Variants in DEK observed in about 807,000 individuals in gnomAD.
DEK encodes the protein protein DEK.
Under a neutral mutation model 46.8 loss-of-function variants are expected in DEK, and 28 were observed. That is an observed-to-expected ratio of 0.60 (90% CI 0.44 to 0.82). DEK has a LOEUF of 0.82. Ranked by LOEUF, DEK falls within the 40% of genes least tolerant of loss-of-function variation. DEK has a pLI of 0.00. For missense variants in DEK, 416 were observed against 430.6 expected, an observed-to-expected ratio of 0.97 and a Z score of 0.30; for synonymous variants, 160 against 144.5, an observed-to-expected ratio of 1.11 and a Z score of -0.77.
intron 7 of DEK, among the ~76,000 whole-genome samples, chr6:18,244,231 G>A (rs558933699): frequency 5.3e-5 from 8 of 152,126 alleles, no homozygotes; most frequent in Non-Finnish European, 1.0e-4. Context: ...TTAAAGATTC[G>A]AGTTTGCTAC....
rs112461792 is a variant in DEK at position 18,253,139 on chromosome 6, G to A, written c.573+2592C>T. Among the ~76,000 whole-genome samples the A allele has an allele frequency of 2.5e-3, 376 of 147,730 alleles. 1 individual carries two copies. The highest frequency in any genetic ancestry group is 8.7e-3 in the African/African-American group (349 of 39,890). On this transcript the variant is annotated intron_variant, in intron 6 of 10. Coordinates refer to ENST00000652689, the MANE Select transcript of DEK (RefSeq NM_003472.4). ...TTTTTTGAGACAGTCTCGCTCTGTCGCCCAGGCTGGAGTGCAGCAGCACGA... is the reference window on the plus strand; with the variant it reads ...TTTTTTGAGACAGTCTCGCTCTGTCACCCAGGCTGGAGTGCAGCAGCACGA...
chr6:18,225,239 A>C lies in DEK; in HGVS notation c.*480T>G. 2 of 229,718 alleles carry C rather than the reference A, an allele frequency of 8.7e-6. No homozygotes were observed. Among genetic ancestry groups the C allele is most frequent in the Non-Finnish European group, 1.7e-5 (2 of 115,892 alleles). The allele number at this position is 229,718 out of a possible 1,614,324, so 14.2% of individuals were successfully genotyped here. A position where few individuals can be genotyped will look rare whatever the true frequency, so the allele number is the denominator to read the frequency against. On this transcript the variant is annotated 3_prime_UTR_variant, in exon 11 of 11. Coordinates refer to ENST00000652689, the MANE Select transcript of DEK (RefSeq NM_003472.4). Reference sequence around the variant, plus strand: ...AGTGATCTGGACAACTGTAGCTTGTATATTTTTAATATGATGGACACACTG... The same window carrying C: ...AGTGATCTGGACAACTGTAGCTTGTCTATTTTTAATATGATGGACACACTG...
chr6:18,231,617 T>A (rs565414746), intron 9 of DEK, among the ~76,000 whole-genome samples: 64 of 152,226 alleles, frequency 4.2e-4, no homozygotes, highest in African/African-American at 1.4e-3. Context: ...AAAATCTAGA[T>A]GAAATGGATA....
intron 7 of DEK, among the ~76,000 whole-genome samples, chr6:18,243,170 T>C (rs986194177): frequency 3.9e-5 from 6 of 152,102 alleles, no homozygotes; most frequent in Non-Finnish European, 7.3e-5. Context: ...AATACAAAAA[T>C]GAGGAGACAT....
chr6:18,233,209 A>G (rs888289997), intron 9 of DEK, among the ~76,000 whole-genome samples: 11 of 152,364 alleles, frequency 7.2e-5, no homozygotes, highest in African/African-American at 2.4e-4. Context: ...TTCAAGATGG[A>G]TTAAAGACTT....
At chr6:18,244,617 T>C (rs2151085919) in intron 7 of DEK, 1 of 1,248,844 alleles carries the variant, frequency 8.0e-7, no homozygotes, top group Non-Finnish European at 1.0e-6. Flanking sequence ...GGTGAACAGA[T>C]GAACAAAATA....
intron 9 of DEK, 56 bp downstream of exon 9, chr6:18,236,396 T>G (rs371327855): frequency 3.2e-6 from 5 of 1,566,722 alleles, no homozygotes; most frequent in Non-Finnish European, 4.3e-6. Flanking sequence ...AATTCAGAGA[T>G]AAGTGAAAGA....
rs766362242 is a variant in DEK, at chr6:18,264,461, G to C, written c.-86C>G. On this transcript the variant is annotated 5_prime_UTR_variant, in exon 1 of 11. Transcript: ENST00000652689. ...GGGAGGCGGCGGCGGCCGACGCCGA[G>C]GAGAAGGCGCGCGGGCCGCTGTCTG... 1 of 284,772 alleles carries C rather than the reference G, an allele frequency of 3.5e-6. No individual in the cohort carries two copies. The highest frequency in any genetic ancestry group is 7.1e-6 in the Non-Finnish European group (1 of 140,586). 17.6% of individuals were successfully genotyped at this position (284,772 alleles called of 1,614,324 possible).
chr6:18,254,841 C>T (rs937914248), intron 6 of DEK, among the ~76,000 whole-genome samples: 9 of 152,158 alleles, frequency 5.9e-5, no homozygotes, highest in Non-Finnish European at 8.8e-5. Context: ...ATACCCCTTG[C>T]GTTTGTAGTT....
intron 2 of DEK, among the ~76,000 whole-genome samples, chr6:18,261,019 C>G (rs561795952): frequency 1.3e-5 from 2 of 149,576 alleles, no homozygotes; most frequent in African/African-American, 4.9e-5. Context: ...AAAACCTCTA[C>G]TAGGGCAGTG....
intron 7 of DEK, among the ~76,000 whole-genome samples, chr6:18,249,422 C>A (rs12204828): frequency 2.5e-4 from 38 of 152,310 alleles, no homozygotes; most frequent in Admixed American, 4.6e-4. Context: ...TCAAGGCCCA[C>A]TTCAAATCCA....
chr6:18,246,523 C>G (rs771663290), intron 7 of DEK, among the ~76,000 whole-genome samples: 1 of 152,194 alleles, frequency 6.6e-6, no homozygotes, highest in Admixed American at 6.5e-5. Context: ...TATGCTAAAT[C>G]TGACATTTTC....
chr6:18,229,947 T>C (rs1159223882), intron 9 of DEK, among the ~76,000 whole-genome samples: 1 of 151,814 alleles, frequency 6.6e-6, no homozygotes, highest in Non-Finnish European at 1.5e-5. Flanking sequence ...AAAGCTGAAA[T>C]GAAGGAAAAA....
chr6:18,227,993 T>C (rs1369671056), intron 9 of DEK, among the ~76,000 whole-genome samples: 1 of 152,200 alleles, frequency 6.6e-6, no homozygotes, highest in Non-Finnish European at 1.5e-5. Context: ...AAAATTTGAC[T>C]AAATTTCTGC....
In DEK at chr6:18,229,747, T is replaced by C. The variant is rs373539175; in HGVS notation, c.1048-3505A>G. On this transcript the variant is annotated intron_variant, in intron 9 of 10. Coordinates refer to ENST00000652689, the MANE Select transcript of DEK (RefSeq NM_003472.4). ...ACTATGTGAAAAGACCAAATCTACA[T>C]CTGATTGGTGTACCTGAAAGTGACG... Among the ~76,000 whole-genome samples, 4 of 152,240 alleles carry C rather than the reference T, an allele frequency of 2.6e-5. No individual in the cohort carries two copies. The East Asian group carries it at 7.7e-4, about 29-fold the overall frequency.
intron 7 of DEK, among the ~76,000 whole-genome samples, chr6:18,238,921 C>T (rs1790783448): frequency 1.3e-5 from 2 of 151,904 alleles, no homozygotes; most frequent in African/African-American, 2.4e-5. Context: ...CTAAAGCAAC[C>T]TGGTTTTTTT....
chr6:18,261,465 G>T (rs1249728457), intron 2 of DEK, among the ~76,000 whole-genome samples: 1 of 152,138 alleles, frequency 6.6e-6, no homozygotes. Flanking sequence ...CCAGCTACTC[G>T]AGAGGCTGAG....
chr6:18,235,783 C>T (rs1233415499), intron 9 of DEK, among the ~76,000 whole-genome samples: 1 of 152,200 alleles, frequency 6.6e-6, no homozygotes, highest in Non-Finnish European at 1.5e-5. Flanking sequence ...GCCACCACAT[C>T]TAGCTTCTAC....
At chr6:18,259,267 T>C (rs214518) in intron 2 of DEK, among the ~76,000 whole-genome samples, 50,008 of 151,014 alleles carry the variant, frequency 0.33, 10,105 homozygotes, top group African/African-American at 0.56. Context: ...TGGTGGCTGG[T>C]GCCTGTAGTC....
Sources: allele counts gnomAD v4.1 joint callset (sites outside exome capture counted in the v4.1 genomes callset), GRCh38; gene constraint gnomAD v4.1.1; transcripts MANE v1.5; gene names NCBI Gene and HGNC (gene_info 2026-07-23, HGNC 2026-07-21).